The following RSRC1 variants were observed in gnomAD, a reference collection of about 807,000 sequenced individuals.
RSRC1 encodes serine/Arginine-related protein 53.
In RSRC1, 39 loss-of-function variants were observed where a neutral mutation model predicts 49.1. The ratio of observed to expected loss-of-function variants is 0.79; its 90% CI spans 0.61 to 1.04. The LOEUF (loss-of-function observed/expected upper bound fraction) is 1.04, where lower values mean the gene tolerates loss of function less well. Among genes scored for constraint, RSRC1 ranks in the 50% least tolerant of loss-of-function variants. The pLI is 0.00. For missense variants in RSRC1, 388 were observed against 402.4 expected (o/e 0.96, Z 0.31); for synonymous variants, 143 against 130.8 (o/e 1.09, Z -0.63).
intron 5 of RSRC1, among the ~76,000 whole-genome samples, chr3:158,334,649 T>TTGTGTGTGTG (rs71840277): frequency 0.039 from 5,307 of 137,446 alleles, 153 homozygotes; most frequent in African/African-American, 0.059. Flanking sequence ...CCCAGCTAAT[T>TTGTGTGTGTG]TGTGTGTGTG....
chr3:158,406,918 T>A (rs944221249), intron 6 of RSRC1, among the ~76,000 whole-genome samples: 2 of 152,108 alleles, frequency 1.3e-5, no homozygotes, highest in African/African-American at 4.8e-5. Context: ...AAATTTATTA[T>A]TCTGGAGATT....
At chr3:158,272,422 T>C (rs1413317211) in intron 4 of RSRC1, among the ~76,000 whole-genome samples, 1 of 152,188 alleles carries the variant, frequency 6.6e-6, no homozygotes, top group African/African-American at 2.4e-5. Flanking sequence ...TATTCTGATA[T>C]GACAGATGCT....
Position 158,529,960 on chromosome 3 carries a change from A to G in RSRC1, c.653-7132A>G, listed in dbSNP as rs534259282. 8.6e-5 allele frequency among the ~76,000 whole-genome samples: 13 copies of G among 151,906 alleles called. No individual in the cohort carries two copies. In the East Asian group the frequency reaches 2.5e-3, roughly 30 times the overall value. On this transcript the variant is annotated intron_variant, in intron 7 of 9. Transcript: ENST00000611884. ...GACTCCAGTGCCTTGGTGGGTGGTAAAATTCAGCTGGGCCTTTTGTGCCTT... is the reference window on the plus strand; with the variant it reads ...GACTCCAGTGCCTTGGTGGGTGGTAGAATTCAGCTGGGCCTTTTGTGCCTT...
At chr3:158,323,777 T>G (rs1194066177) in intron 5 of RSRC1, among the ~76,000 whole-genome samples, 1 of 152,208 alleles carries the variant, frequency 6.6e-6, no homozygotes, top group East Asian at 1.9e-4. Flanking sequence ...TCTGAAGTGA[T>G]TGTTTTTAGT....
At chr3:158,283,731 CA>C (rs1726318959) in intron 4 of RSRC1, among the ~76,000 whole-genome samples, 1 of 152,072 alleles carries the variant, frequency 6.6e-6, no homozygotes, top group Non-Finnish European at 1.5e-5. Flanking sequence ...GACTGTGAGG[CA>C]AGGCTTTACG....
chr3:158,122,942 G>A (rs1715378608), intron 2 of RSRC1, among the ~76,000 whole-genome samples: 1 of 152,132 alleles, frequency 6.6e-6, no homozygotes, highest in Admixed American at 6.5e-5. Context: ...GTATTCCATG[G>A]TGTATATGTG....
chr3:158,314,822 CTGGTGAAACCAA>C (rs1432811880), intron 5 of RSRC1, among the ~76,000 whole-genome samples: 18 of 152,132 alleles, frequency 1.2e-4, no homozygotes, highest in Admixed American at 6.5e-4. Flanking sequence ...CGAGACCAGC[CTGGTGAAACCAA>C]TGGTGAAACC....
At chr3:158,500,911 T>C (rs11706933) in intron 7 of RSRC1, among the ~76,000 whole-genome samples, 7,249 of 152,176 alleles carry the variant, frequency 0.048, 222 homozygotes, top group Non-Finnish European at 0.073. Flanking sequence ...TTTGGGTTTG[T>C]TTTTTTCTTG....
At chr3:158,470,361 C>T (rs200735600) in intron 7 of RSRC1, among the ~76,000 whole-genome samples, 23,546 of 99,158 alleles carry the variant, frequency 0.24, 2,377 homozygotes, top group African/African-American at 0.33. Flanking sequence ...CACACACACA[C>T]ATATATATAT....
At chr3:158,197,363 T>C (rs1720696680) in intron 3 of RSRC1, among the ~76,000 whole-genome samples, 1 of 152,218 alleles carries the variant, frequency 6.6e-6, no homozygotes, top group Non-Finnish European at 1.5e-5. Context: ...TTTTTCATTT[T>C]TTATTGCGTC....
At position 158,531,781 on chromosome 3, in the gene RSRC1, G is replaced by A. The variant is rs116788381; in HGVS notation, c.653-5311G>A. On this transcript the variant is annotated intron_variant, in intron 7 of 9. Transcript: ENST00000611884. ...GTGTTTTAAAAGAAACATTTAAAATGTACTGTTTTGAAAGGGAAAACAATT... is the reference window on the plus strand; with the variant it reads ...GTGTTTTAAAAGAAACATTTAAAATATACTGTTTTGAAAGGGAAAACAATT... 3.9e-3 allele frequency among the ~76,000 whole-genome samples: 595 copies of A among 151,938 alleles called. 4 individuals are homozygous for A. The highest frequency in any genetic ancestry group is 0.013 in the African/African-American group (560 of 41,512).
chr3:158,386,190 C>G (rs921117969), intron 6 of RSRC1, among the ~76,000 whole-genome samples: 22 of 151,766 alleles, frequency 1.4e-4, no homozygotes, highest in African/African-American at 5.3e-4. Flanking sequence ...TTTAAAAAAG[C>G]TGTTTTTTGT....
chr3:158,125,829 A>G (rs940226318), intron 3 of RSRC1, among the ~76,000 whole-genome samples: 2 of 152,146 alleles, frequency 1.3e-5, no homozygotes, highest in African/African-American at 2.4e-5. Context: ...TTACTATGTT[A>G]CTAAATACTT....
intron 4 of RSRC1, among the ~76,000 whole-genome samples, chr3:158,258,736 TA>T (rs1368844754): frequency 6.6e-6 from 1 of 152,150 alleles, no homozygotes; most frequent in Non-Finnish European, 1.5e-5. Context: ...CATGTTTTTT[TA>T]TTCTTTTTTC....
chr3:158,388,429 G>T (rs1394461716), intron 6 of RSRC1, among the ~76,000 whole-genome samples: 1 of 151,952 alleles, frequency 6.6e-6, no homozygotes, highest in Non-Finnish European at 1.5e-5. Flanking sequence ...CTTATGAAAT[G>T]AGCAGTGCAT....
intron 4 of RSRC1, among the ~76,000 whole-genome samples, chr3:158,229,384 G>GTATACACATATACACACGTATATGTGTA (rs1559952754): frequency 3.2e-5 from 3 of 94,958 alleles, no homozygotes; most frequent in African/African-American, 1.0e-4. Context: ...GTGTATGTAT[G>GTATACACATATACACACGTATATGTGTA]TGTATATATA....
intron 6 of RSRC1, among the ~76,000 whole-genome samples, chr3:158,456,121 A>T (rs538045896): frequency 6.6e-6 from 1 of 151,790 alleles, no homozygotes; most frequent in East Asian, 1.9e-4. Context: ...ATAACAAACA[A>T]CCCCAAAACT....
Position 158,386,826 on chromosome 3 carries a change from CAA to C in RSRC1, c.583+31931_583+31932del, listed in dbSNP as rs56825777. Among the ~76,000 whole-genome samples the C allele has an allele frequency of 4.0e-3, 488 of 123,292 alleles. 5 individuals carry two copies. Among genetic ancestry groups the C allele is most frequent in the African/African-American group, 0.012 (406 of 34,688 alleles). The allele number at this position is 123,292 out of a possible 152,430, so 80.9% of individuals were successfully genotyped here. On this transcript the variant is annotated intron_variant, in intron 6 of 9. Coordinates refer to ENST00000611884, the MANE Select transcript of RSRC1 (RefSeq NM_001271838.2). ...ATAATGTGAGTCGTATTCACTAGAC[CAA>C]AAAAAAAAAAAAGATAATTTTATTA... is the stretch of plus-strand genomic sequence containing the variant.
At chr3:158,485,390 TTAATA>T (rs1272354318) in intron 7 of RSRC1, among the ~76,000 whole-genome samples, 1 of 152,132 alleles carries the variant, frequency 6.6e-6, no homozygotes, top group Non-Finnish European at 1.5e-5. Context: ...CAAGCTTACT[TTAATA>T]TATCTTTTAA....
Sources: allele counts gnomAD v4.1 joint callset (sites outside exome capture counted in the v4.1 genomes callset), GRCh38; gene constraint gnomAD v4.1.1; transcripts MANE v1.5; gene names NCBI Gene and HGNC (gene_info 2026-07-23, HGNC 2026-07-21).